TBC1D8: variants seen among roughly 807,000 people sequenced by gnomAD.
TBC1D8 encodes BUB2-like protein 1.
Under a neutral mutation model 118.8 loss-of-function variants are expected in TBC1D8, and 65 were observed. That is an observed-to-expected ratio of 0.55 (90% CI 0.45 to 0.67). TBC1D8 has a LOEUF of 0.67. Among genes scored for constraint, TBC1D8 ranks in the 30% least tolerant of loss-of-function variants. The pLI is 0.00. For missense variants in TBC1D8, 1,376 were observed against 1,471.2 expected, an observed-to-expected ratio of 0.94 and a Z score of 1.06; for synonymous variants, 566 against 595.8, an observed-to-expected ratio of 0.95 and a Z score of 0.73.
rs371898597 is a variant in TBC1D8, at chr2:101,046,968, C to CA, written c.872+3432dup. On this transcript the variant is annotated intron_variant, in intron 5 of 19. Coordinates refer to ENST00000409318, the MANE Select transcript of TBC1D8 (RefSeq NM_001330348.2). ...CCCATCACTCTCCAACTACCCTCCC[C>CA]AAAAAAAACAGCCGAATACACTTTT... is the stretch of plus-strand genomic sequence containing the variant. Among the ~76,000 whole-genome samples the CA allele has an allele frequency of 4.3e-3, 649 of 151,992 alleles. 4 individuals are homozygous for CA. Among genetic ancestry groups the CA allele is most frequent in the African/African-American group, 0.014 (576 of 41,452 alleles).
chr2:101,077,003 G>GTA (rs1395941891), intron 2 of TBC1D8, among the ~76,000 whole-genome samples: 1 of 152,156 alleles, frequency 6.6e-6, no homozygotes, highest in Non-Finnish European at 1.5e-5. Flanking sequence ...GAGAGAGGCG[G>GTA]TAGTGCTACA....
intron 2 of TBC1D8, among the ~76,000 whole-genome samples, chr2:101,063,725 A>AT (rs1332630585): frequency 6.6e-6 from 1 of 152,350 alleles, no homozygotes; most frequent in East Asian, 1.9e-4. Context: ...AGTTTTTCAA[A>AT]TTACATAAAG....
At chr2:101,124,818 G>A (rs1234080768) in intron 1 of TBC1D8, among the ~76,000 whole-genome samples, 1 of 152,168 alleles carries the variant, frequency 6.6e-6, no homozygotes, top group East Asian at 1.9e-4. Flanking sequence ...AGAGAGTGAT[G>A]AAGAGGCTGG....
intron 1 of TBC1D8, among the ~76,000 whole-genome samples, chr2:101,115,758 A>G (rs1282719037): frequency 3.3e-5 from 5 of 152,140 alleles, no homozygotes; most frequent in Admixed American, 6.5e-5. Flanking sequence ...TTCAAAAAAA[A>G]AAAGATTCTG....
chr2:101,020,155 AAT>A, intron 17 of TBC1D8, among the ~76,000 whole-genome samples: 1 of 143,934 alleles, frequency 6.9e-6, no homozygotes, highest in Admixed American at 7.0e-5. Flanking sequence ...TAAATTTAAA[AAT>A]ATACCATGGT....
chr2:101,107,316 A>T (rs1677287412), intron 1 of TBC1D8, among the ~76,000 whole-genome samples: 1 of 152,170 alleles, frequency 6.6e-6, no homozygotes, highest in South Asian at 2.1e-4. Context: ...TCGCTGGTAA[A>T]GCATTATTTC....
intron 2 of TBC1D8, 150 bp downstream of exon 2, chr2:101,090,059 A>C: frequency 4.7e-6 from 3 of 640,212 alleles, no homozygotes; most frequent in Non-Finnish European, 5.0e-6. Flanking sequence ...GGGAAGGGGA[A>C]GGAAGGGGAG....
At chr2:101,042,082 GTTATTA>G (rs1265373224) in intron 5 of TBC1D8, among the ~76,000 whole-genome samples, 1 of 151,842 alleles carries the variant, frequency 6.6e-6, no homozygotes, top group Non-Finnish European at 1.5e-5. Flanking sequence ...ATAAACATTA[GTTATTA>G]TTATTATCTT....
chr2:101,104,911 G>C (rs1040185139), intron 1 of TBC1D8, among the ~76,000 whole-genome samples: 5 of 151,910 alleles, frequency 3.3e-5, no homozygotes, highest in Admixed American at 6.6e-5. Context: ...CTATTCTGGA[G>C]GCTGAATAGG....
chr2:101,077,832 A>G (rs1475375249), intron 2 of TBC1D8, among the ~76,000 whole-genome samples: 1 of 152,182 alleles, frequency 6.6e-6, no homozygotes, highest in Non-Finnish European at 1.5e-5. Context: ...GGGAGCCTGA[A>G]TTCTGCTAAG....
chr2:101,103,348 C>T (rs1037224047), intron 1 of TBC1D8, among the ~76,000 whole-genome samples: 2 of 130,056 alleles, frequency 1.5e-5, no homozygotes, highest in Non-Finnish European at 3.3e-5. Context: ...AAGGGGGAAG[C>T]AGGAAACAAA....
chr2:101,076,662 G>A (rs928147069), intron 2 of TBC1D8, among the ~76,000 whole-genome samples: 1 of 152,148 alleles, frequency 6.6e-6, no homozygotes, highest in African/African-American at 2.4e-5. Context: ...AAAGAGGGAT[G>A]GGGAGGAAGA....
intron 2 of TBC1D8, among the ~76,000 whole-genome samples, chr2:101,087,575 G>A (rs1172877078): frequency 3.3e-5 from 5 of 151,468 alleles, no homozygotes; most frequent in African/African-American, 4.9e-5. Context: ...CCCAAGAGGT[G>A]GAGGTTGCAG....
intron 2 of TBC1D8, among the ~76,000 whole-genome samples, chr2:101,082,582 C>A (rs1412184890): frequency 3.9e-5 from 6 of 152,216 alleles, no homozygotes; most frequent in Non-Finnish European, 8.8e-5. Flanking sequence ...AATGGAATAT[C>A]ATTCAGCTGT....
rs772986474 is a variant in TBC1D8 at position 101,037,537 on chromosome 2, G to C, written c.1447C>G (p.Arg483Gly). Residue 483 changes from arginine (R) to glycine (G), a missense_variant, in exon 8 of 20, where the codon CGA becomes GGA. Physicochemically the swap from Arg to Gly is moderately radical, Grantham distance 125. Transcript: ENST00000409318. ...QQSGSQSPDS[R>G]MSREQIKISL... ...GGGCACCAGGCGTCACCCACCATTC[G>C]GGAGTCAGGGCTCTGGCTGCCTGAC... 1.2e-6 allele frequency: 2 copies of C among 1,612,044 alleles called. No homozygotes were observed. The highest frequency in any genetic ancestry group is 2.7e-5 in the African/African-American group (2 of 74,898).
chr2:101,064,005 T>C (rs1682896031), intron 2 of TBC1D8, among the ~76,000 whole-genome samples: 1 of 152,104 alleles, frequency 6.6e-6, no homozygotes, highest in Non-Finnish European at 1.5e-5. Flanking sequence ...GCCTACAAAT[T>C]AACTCAGTAC....
intron 1 of TBC1D8, among the ~76,000 whole-genome samples, chr2:101,126,578 G>C (rs1216681639): frequency 2.0e-5 from 3 of 152,198 alleles, no homozygotes; most frequent in Non-Finnish European, 4.4e-5. Context: ...GGGGTAACCA[G>C]GTGGCCTAGA....
chr2:101,008,658 C>G (rs1365898651), intron 19 of TBC1D8, among the ~76,000 whole-genome samples: 1 of 151,978 alleles, frequency 6.6e-6, no homozygotes, highest in African/African-American at 2.4e-5. Context: ...ACTAAAAATA[C>G]AAAATTAGCC....
At chr2:101,021,790 G>C (rs1389350135) in intron 16 of TBC1D8, 44 bp from the exon 17 acceptor site, 1 of 1,282,010 alleles carries the variant, frequency 7.8e-7, no homozygotes, top group African/African-American at 1.5e-5. Flanking sequence ...AATGCTGAAA[G>C]TCCATTTGTC....
Sources: gnomAD v4.1 joint callset for allele counts (sites outside exome capture counted in the v4.1 genomes callset) on GRCh38, gnomAD v4.1.1 for gene constraint, MANE v1.5 for transcripts, NCBI Gene and HGNC (gene_info 2026-07-23, HGNC 2026-07-21) for gene names.